Variants in REPS2 observed in about 807,000 individuals in gnomAD.
REPS2 encodes the protein RALBP1 associated Eps domain containing 2.
A neutral mutation model predicts 53.6 loss-of-function variants in REPS2; 23 were observed. That is an observed-to-expected ratio of 0.43 (90% confidence interval 0.31 to 0.61). The LOEUF is 0.61. Among genes scored for constraint, REPS2 ranks in the 20% least tolerant of loss-of-function variants. REPS2 has a pLI of 0.11. For synonymous variants in REPS2, 238 were observed against 218.6 expected (o/e 1.09, Z -0.78); for missense variants, 446 against 534.9 (o/e 0.83, Z 1.64).
At chrX:17,088,708 C>T (rs1053241818) in intron 13 of REPS2, among the ~76,000 whole-genome samples, 6 of 108,737 alleles carry the variant, frequency 5.5e-5, no homozygotes, top group Non-Finnish European at 1.1e-4. Flanking sequence ...CTCAGCCTCC[C>T]GAGTAGCTGG....
At chrX:17,156,553 G>T (rs748036718), downstream of REPS2, among the ~76,000 whole-genome samples, 1 of 110,955 alleles carries the variant, frequency 9.0e-6, no homozygotes. Context: ...GATGATAAAA[G>T]CCAACTAACT....
At chrX:17,178,266 T>C in the REPS2 span, among the ~76,000 whole-genome samples, 1 of 112,278 alleles carries the variant, frequency 8.9e-6, no homozygotes, top group East Asian at 2.8e-4. Context: ...TGTCTGACCA[T>C]GTAACCTTGT....
intron 1 of REPS2, among the ~76,000 whole-genome samples, chrX:16,994,460 T>G (rs868350771): frequency 5.4e-5 from 6 of 110,753 alleles, no homozygotes; most frequent in African/African-American, 2.0e-4. Context: ...ACATTTATAA[T>G]ACGCCATGGA....
chrX:17,157,198 T>C (rs2063620569), downstream of REPS2, among the ~76,000 whole-genome samples: 1 of 111,855 alleles, frequency 8.9e-6, no homozygotes, highest in African/African-American at 3.3e-5. Context: ...TTTCTGACCA[T>C]GGCAAGGACA....
At chrX:17,072,790 C>T (rs1022797948) in intron 11 of REPS2, among the ~76,000 whole-genome samples, 1 of 111,953 alleles carries the variant, frequency 8.9e-6, no homozygotes, top group Non-Finnish European at 1.9e-5. Flanking sequence ...GGGAGAGAGG[C>T]TTCCTGAGGT....
intron 17 of REPS2, among the ~76,000 whole-genome samples, chrX:17,142,990 C>T (rs190943486): frequency 1.4e-3 from 157 of 112,432 alleles, no homozygotes; most frequent in African/African-American, 5.0e-3. Flanking sequence ...TGGAATAGTA[C>T]TCAACAGAGA....
At chrX:16,980,628 A>G (rs2061010217) in intron 1 of REPS2, among the ~76,000 whole-genome samples, 1 of 112,514 alleles carries the variant, frequency 8.9e-6, no homozygotes, top group South Asian at 3.6e-4. Flanking sequence ...ACTTAATGCC[A>G]TAACAAAAGG....
intron 13 of REPS2, among the ~76,000 whole-genome samples, chrX:17,082,759 A>T (rs1454048620): frequency 8.9e-6 from 1 of 112,695 alleles, no homozygotes; most frequent in Admixed American, 9.4e-5. Flanking sequence ...GGATGATGCT[A>T]AAGAAACTGG....
chrX:16,981,577 T>C (rs1342899389), intron 1 of REPS2, among the ~76,000 whole-genome samples: 1 of 112,720 alleles, frequency 8.9e-6, no homozygotes, highest in Non-Finnish European at 1.9e-5. Context: ...AAAATACATA[T>C]TTTTGTGAAA....
intron 14 of REPS2, among the ~76,000 whole-genome samples, chrX:17,118,820 G>A (rs141579594): frequency 1.2e-3 from 138 of 112,026 alleles, no homozygotes; most frequent in African/African-American, 4.3e-3. Flanking sequence ...AGCCAAAATG[G>A]CCTTCACATT....
At chrX:16,951,935 G>A (rs1907525502) in intron 1 of REPS2, among the ~76,000 whole-genome samples, 1 of 111,076 alleles carries the variant, frequency 9.0e-6, no homozygotes. Context: ...ATTCAAAAAT[G>A]GGAACATTAT....
chrX:16,974,986 A>G (rs981270270), intron 1 of REPS2, among the ~76,000 whole-genome samples: 2 of 111,336 alleles, frequency 1.8e-5, no homozygotes, highest in Non-Finnish European at 3.8e-5. Context: ...CCGTTCCTGC[A>G]TTAGTTTGCT....
intron 5 of REPS2, among the ~76,000 whole-genome samples, chrX:17,043,610 A>G (rs1442657702): frequency 9.1e-6 from 1 of 109,950 alleles, no homozygotes; most frequent in East Asian, 2.9e-4. Context: ...CTTTCTCTAT[A>G]CTACAGCCCC....
chrX:17,156,931 C>G (rs771028678), downstream of REPS2, among the ~76,000 whole-genome samples: 31 of 111,264 alleles, frequency 2.8e-4, no homozygotes, highest in Non-Finnish European at 4.9e-4. Flanking sequence ...ATGTTTTTAT[C>G]CTAGTCACTT....
chrX:16,968,544 A>G (rs1406259752), intron 1 of REPS2, among the ~76,000 whole-genome samples: 22 of 75,540 alleles, frequency 2.9e-4, no homozygotes, highest in African/African-American at 1.1e-3. Flanking sequence ...TCCCTCCGGG[A>G]CGGGGTGGCT....
chrX:17,182,140 GTCTATCTA>G, the REPS2 span, among the ~76,000 whole-genome samples: 5,805 of 101,157 alleles, frequency 0.057, 147 homozygotes, highest in Middle Eastern at 0.077. Flanking sequence ...TGCTCTATCT[GTCTATCTA>G]TCTATCTATC....
chrX:17,048,287 A>T (rs2061934767), intron 6 of REPS2, among the ~76,000 whole-genome samples: 1 of 112,437 alleles, frequency 8.9e-6, no homozygotes, highest in African/African-American at 3.2e-5. Flanking sequence ...AATTGCAAAC[A>T]TCATTTACTG....
intron 16 of REPS2, chrX:17,136,871 T>A (rs963292033): frequency 8.9e-6 from 1 of 112,465 alleles, no homozygotes; most frequent in Non-Finnish European, 1.9e-5. Context: ...TCTTGTCATT[T>A]CACATAAATG....
At chrX:17,193,555 A>G in the REPS2 span, among the ~76,000 whole-genome samples, 15,402 of 110,952 alleles carry the variant, frequency 0.14, 846 homozygotes, top group Admixed American at 0.18. Context: ...GGGCTGGCTC[A>G]TTATTAACAG....
Sources: gnomAD v4.1 joint callset for allele counts (sites outside exome capture counted in the v4.1 genomes callset) on GRCh38, gnomAD v4.1.1 for gene constraint, MANE v1.5 for transcripts, NCBI Gene and HGNC (gene_info 2026-07-23, HGNC 2026-07-21) for gene names.